Variants in HSPA14 observed in about 807,000 individuals in gnomAD.
HSPA14 encodes heat shock 70 kDa protein 14.
HSPA14 carries 37 observed loss-of-function variants against 65.5 expected under a neutral mutation model. The observed-to-expected ratio is 0.56, with a 90% CI of 0.43 to 0.74. The LOEUF (loss-of-function observed/expected upper bound fraction) is 0.74, where lower values mean the gene tolerates loss of function less well. Ranked by LOEUF, HSPA14 falls within the 30% of genes least tolerant of loss-of-function variation. The pLI, the probability that HSPA14 is intolerant of heterozygous loss-of-function variation, is 0.00. For missense variants in HSPA14, 564 were observed against 607.6 expected, an observed-to-expected ratio of 0.93 and a Z score of 0.75; for synonymous variants, 203 against 214.2, an observed-to-expected ratio of 0.95 and a Z score of 0.46.
chr10:14,846,395 T>C (rs941308524), intron 3 of HSPA14: 3 of 985,374 alleles, frequency 3.0e-6, no homozygotes, highest in Non-Finnish European at 3.6e-6. Flanking sequence ...GGATGTGGTA[T>C]TGTGAAATTC....
intron 10 of HSPA14, among the ~76,000 whole-genome samples, chr10:14,863,102 T>C (rs1013277044): frequency 5.3e-5 from 8 of 152,248 alleles, no homozygotes; most frequent in African/African-American, 1.9e-4. Flanking sequence ...AGCTATATAA[T>C]GAATTAATAA....
At chr10:14,871,256 C>CA (rs1229833271) in intron 13 of HSPA14, among the ~76,000 whole-genome samples, 1 of 152,112 alleles carries the variant, frequency 6.6e-6, no homozygotes, top group Non-Finnish European at 1.5e-5. Flanking sequence ...AAGTCTTAAA[C>CA]CTAAGATGTT....
chr10:14,840,403 G>A (rs916548415), intron 3 of HSPA14, among the ~76,000 whole-genome samples: 1 of 152,144 alleles, frequency 6.6e-6, no homozygotes, highest in Admixed American at 6.5e-5. Flanking sequence ...TTGCGTCAGA[G>A]GTGGTAATTT....
intron 3 of HSPA14, chr10:14,845,624 C>T (rs1406297147): frequency 3.1e-5 from 25 of 798,558 alleles, no homozygotes; most frequent in East Asian, 2.5e-4. Flanking sequence ...GAAAAAGTCT[C>T]ACTGTTTTGC....
chr10:14,846,357 C>T, intron 3 of HSPA14: 1 of 985,248 alleles, frequency 1.0e-6, no homozygotes, highest in Non-Finnish European at 1.2e-6. Flanking sequence ...GAAAGGAGTG[C>T]TGAAGAAGAG....
Position 14,842,561 on chromosome 10 carries a change from T to G in HSPA14, c.221+2404T>G. On this transcript the variant is annotated intron_variant, in intron 3 of 13. Coordinates refer to ENST00000378372, the MANE Select transcript of HSPA14 (RefSeq NM_016299.4). The surrounding 1 kb of genome is among the most constrained non-coding windows in gnomAD (Gnocchi z 5.2). ...GGGTGAGCCACCACACTGTCCATTTTATGATACGTTGGATCAGCTTCTCCG... is the reference window on the plus strand; with the variant it reads ...GGGTGAGCCACCACACTGTCCATTTGATGATACGTTGGATCAGCTTCTCCG... 6.5e-7 allele frequency: 1 copy of G among 1,536,164 alleles called. No homozygotes were observed. The highest frequency in any genetic ancestry group is 8.7e-7 in the Non-Finnish European group (1 of 1,146,914).
chr10:14,864,809 G>A (rs1298010597), intron 10 of HSPA14, among the ~76,000 whole-genome samples: 1 of 152,180 alleles, frequency 6.6e-6, no homozygotes, highest in Non-Finnish European at 1.5e-5. Flanking sequence ...CTTTATGGCA[G>A]CATGACTTAT....
At chr10:14,848,696 GT>G in intron 4 of HSPA14, 39 bp downstream of exon 4, 1 of 1,529,078 alleles carries the variant, frequency 6.5e-7, no homozygotes, top group South Asian at 1.2e-5. Flanking sequence ...GTTACATAGA[GT>G]AATTACCAAG....
At chr10:14,839,822 A>G in intron 1 of HSPA14, 83 bp from the exon 2 acceptor site, 1 of 949,902 alleles carries the variant, frequency 1.1e-6, no homozygotes, top group Non-Finnish European at 1.6e-6. Context: ...CTTTCCACAC[A>G]GATGGCAAAG....
Position 14,846,287 on chromosome 10 carries a change from C to T in HSPA14, c.222-2322C>T, listed in dbSNP as rs867173979. 32 of 985,184 alleles carry T rather than the reference C, an allele frequency of 3.2e-5. No individual in the cohort carries two copies. In the Middle Eastern group the frequency reaches 2.6e-3, roughly 80 times the overall value. 61.0% of individuals were successfully genotyped at this position (985,184 alleles called of 1,614,324 possible). ...AGAAGTACTTGACGGAGAGTTAGGC[C>T]TGTATTCTATAAATCTATTAATGGT... On this transcript the variant is annotated intron_variant, in intron 3 of 13. Transcript: ENST00000378372.
intron 3 of HSPA14, among the ~76,000 whole-genome samples, chr10:14,840,399 C>T (rs757461709): frequency 1.3e-5 from 2 of 152,100 alleles, no homozygotes; most frequent in Non-Finnish European, 2.9e-5. Flanking sequence ...TAATTTGCGT[C>T]AGAGGTGGTA....
At position 14,851,304 on chromosome 10, in the gene HSPA14, G is replaced by T; in HGVS notation, c.553G>T (p.Asp185Tyr). 1 of 1,604,616 alleles carries T rather than the reference G, an allele frequency of 6.2e-7. No individual in the cohort carries two copies. Among genetic ancestry groups the T allele is most frequent in the Non-Finnish European group, 8.5e-7 (1 of 1,171,888 alleles). ...TCTTCTTGCTTATGGAATTGGACAAGACTCCCCTACTGGAAAAAGGTAAAG... is the reference window on the plus strand; with the variant it reads ...TCTTCTTGCTTATGGAATTGGACAATACTCCCCTACTGGAAAAAGGTAAAG... ...AALLAYGIGQ[D>Y]SPTGKSNILV... The change falls in exon 7 of 14, where the codon GAC (aspartate) becomes TAC (tyrosine). Residue 185 changes from aspartate to tyrosine, a missense_variant. Coordinates refer to ENST00000378372, the MANE Select transcript of HSPA14 (RefSeq NM_016299.4).
Position 14,840,075 on chromosome 10 carries a change from A to C in HSPA14, c.139A>C (p.Ile47Leu). Reference protein sequence around the residue: ...AVVAYSENEEIVGLAAKQSRI... With the variant: ...AVVAYSENEELVGLAAKQSRI... ...ATATATATATTATTTTTTTTTTCAG[A>C]TTGTTGGATTGGCAGCAAAACAAAG... Residue 47 changes from isoleucine to leucine, a missense_variant and splice_region_variant, in exon 3 of 14, where the codon ATT becomes CTT. Ile to Leu is a conservative substitution (Grantham distance 5, BLOSUM62 2). Coordinates refer to ENST00000378372, the MANE Select transcript of HSPA14 (RefSeq NM_016299.4). The C allele has an allele frequency of 1.5e-6, 2 of 1,360,230 alleles. No individual in the cohort carries two copies. The highest frequency in any genetic ancestry group is 2.0e-6 in the Non-Finnish European group (2 of 1,022,052). The allele number at this position is 1,360,230 out of a possible 1,614,324, so 84.3% of individuals were successfully genotyped here.
intron 1 of HSPA14, chr10:14,838,695 C>T (rs1247566396): frequency 6.2e-6 from 3 of 485,394 alleles, no homozygotes; most frequent in Non-Finnish European, 1.1e-5. Flanking sequence ...CGCGCGGGGT[C>T]CCAGGGCGTC....
chr10:14,838,532 C>A, intron 1 of HSPA14, 73 bp downstream of exon 1: 1 of 1,409,220 alleles, frequency 7.1e-7, no homozygotes, highest in Non-Finnish European at 9.6e-7. Context: ...CATCCACAGG[C>A]TTGAGAGCGG....
intron 6 of HSPA14, 49 bp downstream of exon 6, chr10:14,849,860 G>A (rs2131640541): frequency 9.1e-7 from 1 of 1,096,730 alleles, no homozygotes; most frequent in Non-Finnish European, 1.4e-6. Context: ...GAAGTACAAA[G>A]TCACTATATA....
At chr10:14,843,323 C>T (rs755698157) in intron 3 of HSPA14, 40 of 1,548,032 alleles carry the variant, frequency 2.6e-5, no homozygotes, top group Non-Finnish European at 3.2e-5. Flanking sequence ...TCCAAGCATT[C>T]CCTTAGCAGG....
intron 3 of HSPA14, chr10:14,846,792 C>T (rs746353319): frequency 6.8e-5 from 67 of 985,210 alleles, no homozygotes; most frequent in Non-Finnish European, 7.7e-5. Context: ...GTGCCAAGCC[C>T]GTGGGCTGTT....
chr10:14,839,949 T>A lies in HSPA14; in HGVS notation c.102T>A (p.Val34=), dbSNP rs1833950352. Residue 34 remains valine, a synonymous_variant, in exon 2 of 14, where the codon GTT becomes GTA. Coordinates refer to ENST00000378372, the MANE Select transcript of HSPA14 (RefSeq NM_016299.4). ...TTGCAAATGATGCCGGTGACCGAGT[T>A]ACTCCAGCTGTTGTTGCTTACTCAG... ...GVVANDAGDR[V]TPAVVAYSEN... 3 of 1,612,904 alleles carry A rather than the reference T, an allele frequency of 1.9e-6. No homozygotes were observed. In the South Asian group the frequency reaches 3.3e-5, roughly 18 times the overall value.
Sources: gnomAD v4.1 joint callset for allele counts (sites outside exome capture counted in the v4.1 genomes callset) on GRCh38, gnomAD v4.1.1 for gene constraint, Gnocchi (gnomAD v3.1) non-coding constraint, MANE v1.5 for transcripts, NCBI Gene and HGNC (gene_info 2026-07-23, HGNC 2026-07-21) for gene names.